PCDHA10: variants seen among roughly 807,000 people sequenced by gnomAD.
PCDHA10 encodes protocadherin alpha 10, also known as protocadherin alpha-10.
In PCDHA10, 45 loss-of-function variants were observed where a neutral mutation model predicts 61.2. The ratio of observed to expected loss-of-function variants is 0.74; its 90% CI spans 0.58 to 0.94. The LOEUF is 0.94. PCDHA10 is among the 40% of genes least tolerant of loss of function. The probability of loss-of-function intolerance (pLI) is 0.00; values close to 1 mark genes in which losing one functional copy is unlikely to be tolerated. For synonymous variants in PCDHA10, 602 were observed against 548.8 expected, an observed-to-expected ratio of 1.10 and a Z score of -1.35; for missense variants, 1,278 against 1,236.2, an observed-to-expected ratio of 1.03 and a Z score of -0.51.
At position 141,011,472 on chromosome 5, in the gene PCDHA10, C is replaced by T. The variant is rs1347341869; in HGVS notation, c.*1535C>T. 40 of 153,652 alleles carry T rather than the reference C, an allele frequency of 2.6e-4. No individual in the cohort carries two copies. The highest frequency in any genetic ancestry group is 9.4e-4 in the African/African-American group (39 of 41,410). 9.5% of individuals were successfully genotyped at this position (153,652 alleles called of 1,614,324 possible). On this transcript the variant is annotated 3_prime_UTR_variant, in exon 4 of 4. Transcript: ENST00000307360. Reference sequence around the variant, plus strand: ...TAAGCTTTATTGTTGAATGTAATTCCATTATATTTCCTTTTGTACACCTGT... The same window carrying T: ...TAAGCTTTATTGTTGAATGTAATTCTATTATATTTCCTTTTGTACACCTGT...
chr5:140,876,596 C>T (rs1361945795), intron 1 of PCDHA10: 1 of 1,614,040 alleles, frequency 6.2e-7, no homozygotes, highest in East Asian at 2.2e-5. Flanking sequence ...ATTAGCGTGT[C>T]GGATCGTGAC....
At chr5:140,984,464 C>T (rs890686701) in intron 3 of PCDHA10, among the ~76,000 whole-genome samples, 1 of 152,184 alleles carries the variant, frequency 6.6e-6, no homozygotes, top group Non-Finnish European at 1.5e-5. Context: ...GTCCCAGCCC[C>T]TCTTGTATAA....
In PCDHA10 at chr5:140,906,570, T is replaced by C. The variant is rs371493282; in HGVS notation, c.2388+48134T>C. ...TGCAACTGGTTGTGTGGTTCATAGCTGGTATTGATGACTACCTTCCTCTAC... is the reference window on the plus strand; with the variant it reads ...TGCAACTGGTTGTGTGGTTCATAGCCGGTATTGATGACTACCTTCCTCTAC... On this transcript the variant is annotated intron_variant, in intron 1 of 3. Coordinates refer to ENST00000307360, the MANE Select transcript of PCDHA10 (RefSeq NM_018901.4). 1.7e-4 allele frequency among the ~76,000 whole-genome samples: 26 copies of C among 152,230 alleles called. No homozygotes were observed. In the East Asian group the frequency reaches 2.1e-3, roughly 12 times the overall value.
chr5:140,864,177 A>G (rs2048351584), intron 1 of PCDHA10: 1 of 152,222 alleles, frequency 6.6e-6, no homozygotes, highest in Non-Finnish European at 1.5e-5. Context: ...AAGGATCATG[A>G]TGAATAATGA....
At chr5:140,898,211 A>G (rs1554187859) in intron 1 of PCDHA10, among the ~76,000 whole-genome samples, 2 of 152,100 alleles carry the variant, frequency 1.3e-5, no homozygotes, top group African/African-American at 4.8e-5. Context: ...CCATTTGTCA[A>G]TTTTGGCTTT....
At chr5:140,998,095 CA>C (rs1482651958) in intron 3 of PCDHA10, among the ~76,000 whole-genome samples, 1 of 152,106 alleles carries the variant, frequency 6.6e-6, no homozygotes, top group Non-Finnish European at 1.5e-5. Flanking sequence ...AATGCTAGAG[CA>C]AACAGAGGAG....
At chr5:140,987,880 T>A (rs2097271532) in intron 3 of PCDHA10, among the ~76,000 whole-genome samples, 1 of 152,112 alleles carries the variant, frequency 6.6e-6, no homozygotes, top group Non-Finnish European at 1.5e-5. Context: ...AAATGGACAG[T>A]TTATGTGCCC....
intron 3 of PCDHA10, among the ~76,000 whole-genome samples, chr5:140,998,290 C>T (rs782194130): frequency 3.9e-5 from 6 of 152,180 alleles, no homozygotes; most frequent in Admixed American, 2.6e-4. Context: ...TAAATCAGAT[C>T]ACACATTTAG....
intron 3 of PCDHA10, among the ~76,000 whole-genome samples, chr5:141,001,099 C>A (rs1554258004): frequency 6.6e-6 from 1 of 151,694 alleles, no homozygotes; most frequent in African/African-American, 2.4e-5. Context: ...CTGTCTAATC[C>A]ATAATAAGCA....
intron 3 of PCDHA10, among the ~76,000 whole-genome samples, chr5:140,988,533 C>G (rs1395075166): frequency 6.6e-6 from 1 of 152,160 alleles, no homozygotes; most frequent in African/African-American, 2.4e-5. Flanking sequence ...CTGGCTCCAT[C>G]CATTCATGAC....
chr5:140,945,807 C>G (rs1408404648), intron 1 of PCDHA10, among the ~76,000 whole-genome samples: 1 of 152,120 alleles, frequency 6.6e-6, no homozygotes, highest in African/African-American at 2.4e-5. Context: ...AGACCCTTAT[C>G]TCACACTGTA....
intron 1 of PCDHA10, among the ~76,000 whole-genome samples, chr5:140,922,582 G>A (rs548638056): frequency 2.6e-5 from 4 of 152,276 alleles, no homozygotes; most frequent in Non-Finnish European, 4.4e-5. Context: ...CCCTGTAGCC[G>A]CCAGTTCTCA....
chr5:140,950,473 G>T (rs2094486830), intron 1 of PCDHA10, among the ~76,000 whole-genome samples: 1 of 152,010 alleles, frequency 6.6e-6, no homozygotes, highest in African/African-American at 2.4e-5. Context: ...CATAGTTTCT[G>T]ATGAGAAGTG....
At chr5:140,977,836 T>C (rs1300356505) in intron 1 of PCDHA10, among the ~76,000 whole-genome samples, 1 of 152,236 alleles carries the variant, frequency 6.6e-6, no homozygotes, top group African/African-American at 2.4e-5. Flanking sequence ...TCTATTGATA[T>C]TACTATGGCT....
At chr5:140,985,083 G>A (rs782261438) in intron 3 of PCDHA10, among the ~76,000 whole-genome samples, 5 of 152,158 alleles carry the variant, frequency 3.3e-5, no homozygotes, top group East Asian at 1.9e-4. Context: ...GACTACAGGC[G>A]TGTGCCACCA....
intron 1 of PCDHA10, among the ~76,000 whole-genome samples, chr5:140,925,394 C>T (rs782536310): frequency 1.3e-5 from 2 of 151,950 alleles, no homozygotes; most frequent in East Asian, 1.9e-4. Context: ...CCTTTTGGCT[C>T]GCCTCCTTCT....
At chr5:140,958,264 A>G (rs2153717297) in intron 1 of PCDHA10, among the ~76,000 whole-genome samples, 1 of 152,230 alleles carries the variant, frequency 6.6e-6, no homozygotes, top group Admixed American at 6.5e-5. Flanking sequence ...TTAATTTGGT[A>G]CAAGAAGTAT....
chr5:140,958,084 T>C (rs2095408627), intron 1 of PCDHA10, among the ~76,000 whole-genome samples: 1 of 152,110 alleles, frequency 6.6e-6, no homozygotes, highest in African/African-American at 2.4e-5. Flanking sequence ...AAAAGTAAAG[T>C]TGTACAATAG....
At chr5:140,877,663 C>G in intron 1 of PCDHA10, 4 of 1,613,552 alleles carry the variant, frequency 2.5e-6, no homozygotes, top group Non-Finnish European at 3.4e-6. Context: ...CACCGTGAGC[C>G]GGTGCGCGCC....
Sources: allele counts gnomAD v4.1 joint callset (sites outside exome capture counted in the v4.1 genomes callset), GRCh38; gene constraint gnomAD v4.1.1; transcripts MANE v1.5; gene names NCBI Gene and HGNC (gene_info 2026-07-23, HGNC 2026-07-21).